EBF1: variants seen among roughly 807,000 people sequenced by gnomAD.
EBF1 encodes the protein transcription factor COE1.
Under a neutral mutation model 68.4 loss-of-function variants are expected in EBF1, and 10 were observed. The observed-to-expected ratio is 0.15, with a 90% CI of 0.09 to 0.25. EBF1 has a LOEUF of 0.25. EBF1 is among the 10% of genes least tolerant of loss of function. The probability of loss-of-function intolerance (pLI) is 1.00; values close to 1 mark genes in which losing one functional copy is unlikely to be tolerated. For synonymous variants in EBF1, 298 were observed against 299.8 expected (o/e 0.99, Z 0.06); for missense variants, 509 against 794.4 (o/e 0.64, Z 4.32).
intron 6 of EBF1, chr5:159,019,074 T>C (rs906246176): frequency 9.2e-5 from 14 of 152,194 alleles, no homozygotes; most frequent in African/African-American, 3.4e-4. Context: ...TGTTTACAGA[T>C]GGCAAATGTT....
chr5:159,071,428 T>C (rs976155745), intron 6 of EBF1, among the ~76,000 whole-genome samples: 4 of 152,170 alleles, frequency 2.6e-5, no homozygotes, highest in African/African-American at 9.7e-5. Flanking sequence ...CAGCATAAAG[T>C]GCATACTTAT....
At chr5:158,798,955 C>T (rs1176415811) in intron 8 of EBF1, among the ~76,000 whole-genome samples, 4 of 152,154 alleles carry the variant, frequency 2.6e-5, no homozygotes, top group Non-Finnish European at 5.9e-5. Flanking sequence ...GTCATTCAGA[C>T]CTTTCTAAGT....
At chr5:159,096,832 G>T in intron 2 of EBF1, 142 bp downstream of exon 2, 1 of 1,127,636 alleles carries the variant, frequency 8.9e-7, no homozygotes, top group Non-Finnish European at 1.2e-6. Flanking sequence ...GTTCGTCTGG[G>T]ATGGGAAGTG....
intron 8 of EBF1, among the ~76,000 whole-genome samples, chr5:158,799,752 C>A (rs978230899): frequency 6.6e-6 from 1 of 152,176 alleles, no homozygotes; most frequent in African/African-American, 2.4e-5. Context: ...GACAGCACTG[C>A]TCAGCTTCAG....
intron 8 of EBF1, among the ~76,000 whole-genome samples, chr5:158,797,848 T>C (rs1273058136): frequency 6.6e-6 from 1 of 152,204 alleles, no homozygotes; most frequent in Non-Finnish European, 1.5e-5. Flanking sequence ...TTTTCTCTTC[T>C]CTACTTTCTC....
At chr5:158,759,318 C>T (rs904236922) in intron 10 of EBF1, among the ~76,000 whole-genome samples, 4 of 152,136 alleles carry the variant, frequency 2.6e-5, no homozygotes, top group African/African-American at 9.7e-5. Flanking sequence ...CCTCTTGTTC[C>T]ATGGACCTAT....
At chr5:158,987,855 T>C (rs886593051) in intron 6 of EBF1, among the ~76,000 whole-genome samples, 1 of 152,316 alleles carries the variant, frequency 6.6e-6, no homozygotes, top group East Asian at 1.9e-4. Flanking sequence ...CAAGGCTAGA[T>C]AGTAAAATAT....
At chr5:158,972,738 G>A (rs1323079904) in intron 6 of EBF1, among the ~76,000 whole-genome samples, 2 of 152,108 alleles carry the variant, frequency 1.3e-5, no homozygotes, top group Non-Finnish European at 2.9e-5. Flanking sequence ...CCTCCATAGC[G>A]CCCACGGGGC....
At chr5:159,012,014 T>C (rs1561789980) in intron 6 of EBF1, among the ~76,000 whole-genome samples, 1 of 151,774 alleles carries the variant, frequency 6.6e-6, no homozygotes, top group Non-Finnish European at 1.5e-5. Context: ...TGTGGCCGGG[T>C]GCAGTGACTC....
intron 10 of EBF1, among the ~76,000 whole-genome samples, chr5:158,746,102 A>G (rs2127580876): frequency 6.6e-6 from 1 of 152,226 alleles, no homozygotes; most frequent in East Asian, 1.9e-4. Flanking sequence ...CGTGGTTAAT[A>G]TTTCTGTTTA....
At chr5:159,020,491 G>A (rs895136185) in intron 6 of EBF1, among the ~76,000 whole-genome samples, 8 of 152,096 alleles carry the variant, frequency 5.3e-5, no homozygotes, top group South Asian at 2.1e-4. Flanking sequence ...TCAATCGAGC[G>A]ATGCGGACTC....
At chr5:158,984,415 C>T (rs183106666) in intron 6 of EBF1, among the ~76,000 whole-genome samples, 113 of 152,232 alleles carry the variant, frequency 7.4e-4, no homozygotes, top group African/African-American at 2.6e-3. Flanking sequence ...ATAAGCACTA[C>T]CATCACTTGT....
At chr5:159,047,348 G>A (rs948013620) in intron 6 of EBF1, among the ~76,000 whole-genome samples, 2 of 152,208 alleles carry the variant, frequency 1.3e-5, no homozygotes, top group African/African-American at 4.8e-5. Flanking sequence ...AGAATGTCGT[G>A]ATCAGCTTCG....
chr5:158,909,507 G>C (rs889454362), intron 6 of EBF1, among the ~76,000 whole-genome samples: 4 of 152,136 alleles, frequency 2.6e-5, no homozygotes, highest in Admixed American at 2.6e-4. Flanking sequence ...ACTTAATTAA[G>C]GGGAATCAAA....
rs553697645 is a variant in EBF1 at position 159,022,406 on chromosome 5, C to T, written c.554+50990G>A. Among the ~76,000 whole-genome samples the T allele has an allele frequency of 7.2e-5, 11 of 152,260 alleles. No homozygotes were observed. The South Asian group carries it at 1.2e-3, about 17-fold the overall frequency. On this transcript the variant is annotated intron_variant, in intron 6 of 15. Coordinates refer to ENST00000313708, the MANE Select transcript of EBF1 (RefSeq NM_024007.5). ...AGGCATATGGAGGAAAGTCAGGCCTCGGGGTAAAGTGCGCGGGCAGGCTTC... is the reference window on the plus strand; with the variant it reads ...AGGCATATGGAGGAAAGTCAGGCCTTGGGGTAAAGTGCGCGGGCAGGCTTC...
chr5:159,048,374 C>A (rs1772863315), intron 6 of EBF1, among the ~76,000 whole-genome samples: 1 of 152,216 alleles, frequency 6.6e-6, no homozygotes, highest in African/African-American at 2.4e-5. Flanking sequence ...ACATGTCTGA[C>A]CCTGACCACA....
At chr5:158,800,898 A>T (rs1780455103) in intron 8 of EBF1, among the ~76,000 whole-genome samples, 1 of 152,168 alleles carries the variant, frequency 6.6e-6, no homozygotes. Context: ...GCGGTGTTTG[A>T]ATACAAAACC....
intron 4 of EBF1, among the ~76,000 whole-genome samples, chr5:159,087,259 T>C (rs1780807291): frequency 6.9e-6 from 1 of 143,984 alleles, no homozygotes; most frequent in Admixed American, 6.9e-5. Flanking sequence ...CCCTAATATA[T>C]ATATATATAC....
Position 159,056,728 on chromosome 5 carries a change from A to G in EBF1, c.554+16668T>C, listed in dbSNP as rs146656805. Among the ~76,000 whole-genome samples, 1,024 of 152,310 alleles carry G rather than the reference A, an allele frequency of 6.7e-3. 8 individuals are homozygous for G. Among genetic ancestry groups the G allele is most frequent in the African/African-American group, 0.023 (965 of 41,572 alleles). ...TATTATTTTTGGAAAGGGTACTTTC[A>G]ATTTGTTTAGGTTTAAATAAAAGAA... On this transcript the variant is annotated intron_variant, in intron 6 of 15. Coordinates refer to ENST00000313708, the MANE Select transcript of EBF1 (RefSeq NM_024007.5).
Sources: allele counts gnomAD v4.1 joint callset (sites outside exome capture counted in the v4.1 genomes callset), GRCh38; gene constraint gnomAD v4.1.1; transcripts MANE v1.5; gene names NCBI Gene and HGNC (gene_info 2026-07-23, HGNC 2026-07-21).